MARCHF8: variants seen among roughly 807,000 people sequenced by gnomAD.
MARCHF8 encodes membrane associated ring-CH-type finger 8.
Under a neutral mutation model 51.6 loss-of-function variants are expected in MARCHF8, and 40 were observed. The ratio of observed to expected loss-of-function variants is 0.77; its 90% CI spans 0.60 to 1.01. MARCHF8 has a LOEUF of 1.01. Ranked by LOEUF, MARCHF8 falls within the 50% of genes least tolerant of loss-of-function variation. MARCHF8 has a pLI of 0.00. For missense variants in MARCHF8, 685 were observed against 708.6 expected, an observed-to-expected ratio of 0.97 and a Z score of 0.38; for synonymous variants, 263 against 280.3, an observed-to-expected ratio of 0.94 and a Z score of 0.62.
exon 1 of MARCHF8, chr10:45,594,877 C>T (rs2044723839): frequency 6.6e-6 from 1 of 152,344 alleles, no homozygotes; most frequent in South Asian, 2.1e-4. Flanking sequence ...CCTGTTTACA[C>T]CCTACGCCCC....
At chr10:45,481,561 A>G (rs765312263) in intron 3 of MARCHF8, among the ~76,000 whole-genome samples, 14 of 152,196 alleles carry the variant, frequency 9.2e-5, no homozygotes, top group Non-Finnish European at 1.6e-4. Context: ...AATAAGTCTC[A>G]TGAGATCTGA....
intron 3 of MARCHF8, among the ~76,000 whole-genome samples, chr10:45,469,632 G>A (rs921842872): frequency 6.6e-6 from 1 of 152,072 alleles, no homozygotes; most frequent in African/African-American, 2.4e-5. Flanking sequence ...TTGGGGGGCC[G>A]AGGCGGGCGG....
upstream of MARCHF8, among the ~76,000 whole-genome samples, chr10:45,536,513 G>A (rs994040291): frequency 2.6e-5 from 4 of 151,740 alleles, no homozygotes; most frequent in African/African-American, 4.8e-5. Context: ...GGGAGGCCAA[G>A]GCAAGAGAAT....
chr10:45,566,498 C>T (rs1274848077), intron 1 of MARCHF8, among the ~76,000 whole-genome samples: 1 of 152,068 alleles, frequency 6.6e-6, no homozygotes, highest in African/African-American at 2.4e-5. Flanking sequence ...TTTTTAGATC[C>T]CACAAATAAG....
intron 6 of MARCHF8, among the ~76,000 whole-genome samples, chr10:45,460,084 C>A (rs148469010): frequency 6.6e-6 from 1 of 152,264 alleles, no homozygotes; most frequent in Admixed American, 6.5e-5. Context: ...TTCTACTGGG[C>A]AAAACATTTT....
chr10:45,561,397 C>T (rs2044308938), intron 1 of MARCHF8, among the ~76,000 whole-genome samples: 1 of 151,460 alleles, frequency 6.6e-6, no homozygotes, highest in Non-Finnish European at 1.5e-5. Context: ...GCCTGAGCCT[C>T]CCAAGTAGCT....
At chr10:45,584,585 C>T (rs76469200) in intron 1 of MARCHF8, among the ~76,000 whole-genome samples, 1 of 151,982 alleles carries the variant, frequency 6.6e-6, no homozygotes, top group Non-Finnish European at 1.5e-5. Flanking sequence ...ACATTATATA[C>T]AGTGGTAGTC....
intron 1 of MARCHF8, among the ~76,000 whole-genome samples, chr10:45,562,708 G>C (rs1265002358): frequency 2.6e-5 from 4 of 152,096 alleles, no homozygotes; most frequent in Non-Finnish European, 5.9e-5. Flanking sequence ...GCTCAGAATA[G>C]AGATCTGAGA....
intron 1 of MARCHF8, among the ~76,000 whole-genome samples, chr10:45,567,504 G>C (rs117668126): frequency 0.035 from 5,347 of 152,286 alleles, 143 homozygotes; most frequent in East Asian, 0.052. Flanking sequence ...TGGATATCCA[G>C]TTTTCTCAGC....
At chr10:45,579,424 C>A (rs1398887465) in intron 1 of MARCHF8, among the ~76,000 whole-genome samples, 4 of 138,182 alleles carry the variant, frequency 2.9e-5, no homozygotes, top group African/African-American at 1.1e-4. Flanking sequence ...TATAAACAAG[C>A]TATATAAAGC....
chr10:45,495,297 A>C (rs2133112391), intron 2 of MARCHF8, among the ~76,000 whole-genome samples: 1 of 152,184 alleles, frequency 6.6e-6, no homozygotes, highest in East Asian at 1.9e-4. Context: ...ATTTCAATGA[A>C]GTTTAACTAT....
At chr10:45,570,988 A>G (rs1431931143) in intron 1 of MARCHF8, among the ~76,000 whole-genome samples, 1 of 152,248 alleles carries the variant, frequency 6.6e-6, no homozygotes, top group East Asian at 1.9e-4. Flanking sequence ...AACACTGTCA[A>G]GATGTTGATT....
At chr10:45,548,022 A>T (rs1045571915) in intron 1 of MARCHF8, among the ~76,000 whole-genome samples, 2 of 152,234 alleles carry the variant, frequency 1.3e-5, no homozygotes, top group African/African-American at 4.8e-5. Flanking sequence ...TAAAAACTAT[A>T]GCCCACATCC....
At chr10:45,567,189 G>A (rs2044374647) in intron 1 of MARCHF8, among the ~76,000 whole-genome samples, 1 of 152,118 alleles carries the variant, frequency 6.6e-6, no homozygotes, top group South Asian at 2.1e-4. Flanking sequence ...GCCCTTGCCA[G>A]CTGGGTAGTT....
At chr10:45,508,145 T>G (rs554070572) in intron 2 of MARCHF8, among the ~76,000 whole-genome samples, 2 of 152,270 alleles carry the variant, frequency 1.3e-5, no homozygotes, top group Admixed American at 1.3e-4. Context: ...TAGGAAAGTA[T>G]TTCTCAGGCA....
intron 1 of MARCHF8, among the ~76,000 whole-genome samples, chr10:45,551,874 C>T: frequency 6.6e-6 from 1 of 150,624 alleles, no homozygotes; most frequent in East Asian, 1.9e-4. Context: ...CAGACACACA[C>T]ACCCTATTGG....
chr10:45,465,053 G>A (rs932395819), intron 3 of MARCHF8, among the ~76,000 whole-genome samples: 3 of 152,096 alleles, frequency 2.0e-5, no homozygotes, highest in African/African-American at 7.2e-5. Flanking sequence ...CAAACTTAGA[G>A]AAAAAAATCT....
At chr10:45,540,236 T>C (rs1262865166), upstream of MARCHF8, among the ~76,000 whole-genome samples, 2 of 152,190 alleles carry the variant, frequency 1.3e-5, no homozygotes, top group Non-Finnish European at 2.9e-5. Flanking sequence ...AGAGCCTGCA[T>C]TGCCAAGTCA....
chr10:45,477,775 A>G (rs1190850271), intron 3 of MARCHF8, among the ~76,000 whole-genome samples: 2 of 152,240 alleles, frequency 1.3e-5, no homozygotes, highest in Admixed American at 1.3e-4. Flanking sequence ...AGCTATACCT[A>G]TATCAGATAA....
Sources: allele counts gnomAD v4.1 joint callset (sites outside exome capture counted in the v4.1 genomes callset), GRCh38; gene constraint gnomAD v4.1.1; transcripts MANE v1.5; gene names NCBI Gene and HGNC (gene_info 2026-07-23, HGNC 2026-07-21).